The following HPSE2 variants were observed in gnomAD, a reference collection of about 807,000 sequenced individuals.
HPSE2 encodes the protein heparanase 2 (inactive).
HPSE2 carries 38 observed loss-of-function variants against 60.5 expected under a neutral mutation model. The ratio of observed to expected loss-of-function variants is 0.63; its 90% CI spans 0.48 to 0.82. The LOEUF (loss-of-function observed/expected upper bound fraction) is 0.82. HPSE2 is among the 40% of genes least tolerant of loss of function. The pLI is 0.00. For missense variants in HPSE2, 713 were observed against 740.4 expected, an observed-to-expected ratio of 0.96 and a Z score of 0.43; for synonymous variants, 295 against 293.2, an observed-to-expected ratio of 1.01 and a Z score of -0.06.
chr10:98,534,479 A>T (rs148726635), intron 9 of HPSE2, among the ~76,000 whole-genome samples: 2,682 of 151,948 alleles, frequency 0.018, 42 homozygotes, highest in African/African-American at 0.035. Flanking sequence ...ATCTCTGCTC[A>T]CTGCAACCTC....
chr10:98,517,405 T>G (rs1012269000), intron 9 of HPSE2, among the ~76,000 whole-genome samples: 6 of 152,180 alleles, frequency 3.9e-5, no homozygotes, highest in South Asian at 2.1e-4. Flanking sequence ...TGATCTAGAG[T>G]GTGGCAAATG....
At chr10:98,559,943 G>A (rs1028016648) in intron 9 of HPSE2, among the ~76,000 whole-genome samples, 2 of 152,150 alleles carry the variant, frequency 1.3e-5, no homozygotes, top group Non-Finnish European at 2.9e-5. Flanking sequence ...ATGTGGGAAA[G>A]AGTATGTATT....
intron 3 of HPSE2, among the ~76,000 whole-genome samples, chr10:99,095,861 C>T (rs562310850): frequency 6.6e-6 from 1 of 152,200 alleles, no homozygotes; most frequent in Non-Finnish European, 1.5e-5. Flanking sequence ...TTTGTGTGGA[C>T]ATCCTGGTAT....
intron 3 of HPSE2, among the ~76,000 whole-genome samples, chr10:99,067,477 G>A (rs1842652666): frequency 6.6e-6 from 1 of 152,188 alleles, no homozygotes; most frequent in Non-Finnish European, 1.5e-5. Context: ...CTGAAATCTA[G>A]GTGGAGGTTC....
intron 5 of HPSE2, among the ~76,000 whole-genome samples, chr10:98,703,694 G>GA (rs956762349): frequency 2.0e-5 from 3 of 152,140 alleles, no homozygotes; most frequent in African/African-American, 7.2e-5. Context: ...AATAGATGCA[G>GA]AAAACCCCTT....
chr10:99,031,262 T>C (rs763792503), intron 3 of HPSE2, among the ~76,000 whole-genome samples: 52 of 151,874 alleles, frequency 3.4e-4, no homozygotes, highest in Non-Finnish European at 6.8e-4. Context: ...AAAATACATA[T>C]ACCTACCATG....
chr10:98,592,714 G>A (rs1412660914), intron 9 of HPSE2, among the ~76,000 whole-genome samples: 3 of 152,104 alleles, frequency 2.0e-5, no homozygotes, highest in East Asian at 1.9e-4. Context: ...TCATTGAATT[G>A]GTGTTTCTAA....
chr10:98,590,169 G>A (rs564165516), intron 9 of HPSE2, among the ~76,000 whole-genome samples: 4 of 152,372 alleles, frequency 2.6e-5, no homozygotes, highest in African/African-American at 7.2e-5. Context: ...TCGCCCAGGC[G>A]TGGTGGCTCA....
intron 3 of HPSE2, among the ~76,000 whole-genome samples, chr10:99,078,409 C>T (rs1250287192): frequency 6.6e-6 from 1 of 152,090 alleles, no homozygotes. Flanking sequence ...TGCATATTCT[C>T]CCATGTACTT....
intron 11 of HPSE2, among the ~76,000 whole-genome samples, chr10:98,460,285 C>T (rs184523265): frequency 4.1e-4 from 63 of 152,200 alleles, no homozygotes; most frequent in African/African-American, 1.2e-3. Context: ...TAAGGTTATA[C>T]GGAAGGGAGA....
chr10:98,750,059 G>A (rs2134350527), intron 3 of HPSE2, among the ~76,000 whole-genome samples: 1 of 151,680 alleles, frequency 6.6e-6, no homozygotes, highest in East Asian at 1.9e-4. Flanking sequence ...AGCAGGGTAG[G>A]AGATAGTATA....
At chr10:99,195,805 T>C (rs142972222) in intron 2 of HPSE2, among the ~76,000 whole-genome samples, 2,572 of 151,826 alleles carry the variant, frequency 0.017, 69 homozygotes, top group African/African-American at 0.059. Context: ...ACAGATTCAA[T>C]GCAATCCCTA....
At chr10:99,210,132 C>T (rs146007576) in intron 2 of HPSE2, among the ~76,000 whole-genome samples, 5 of 152,242 alleles carry the variant, frequency 3.3e-5, no homozygotes, top group Middle Eastern at 3.4e-3. Flanking sequence ...CCTAAGAAAA[C>T]TACCAAGAGC....
chr10:98,474,414 T>A (rs1466951241), intron 11 of HPSE2, among the ~76,000 whole-genome samples: 1 of 152,140 alleles, frequency 6.6e-6, no homozygotes, highest in Non-Finnish European at 1.5e-5. Flanking sequence ...AATATCATAA[T>A]ATGGTCTGGT....
chr10:99,205,020 T>C (rs901545292), intron 2 of HPSE2, among the ~76,000 whole-genome samples: 2 of 152,158 alleles, frequency 1.3e-5, no homozygotes, highest in Non-Finnish European at 2.9e-5. Context: ...TTCTCACTTA[T>C]AAGTGGAAGC....
chr10:98,607,684 G>A (rs1375909024), intron 9 of HPSE2, among the ~76,000 whole-genome samples: 1 of 152,066 alleles, frequency 6.6e-6, no homozygotes, highest in Non-Finnish European at 1.5e-5. Flanking sequence ...TAGTTAAGTT[G>A]CTAGAAAATT....
chr10:99,031,950 C>T (rs1406757467), intron 3 of HPSE2, among the ~76,000 whole-genome samples: 1 of 152,152 alleles, frequency 6.6e-6, no homozygotes, highest in African/African-American at 2.4e-5. Context: ...GGGATTTCTG[C>T]TACCTTATTA....
intron 3 of HPSE2, among the ~76,000 whole-genome samples, chr10:99,119,007 TGAAAAGAAAGAAAGAAAG>T (rs1211673407): frequency 4.1e-5 from 4 of 98,092 alleles, no homozygotes; most frequent in Admixed American, 1.0e-4. Context: ...CAGAACAAAA[TGAAAAGAAAGAAAGAAAG>T]GAAAAGAAAG....
chr10:99,013,058 C>T, intron 3 of HPSE2: 1 of 537,036 alleles, frequency 1.9e-6, no homozygotes, highest in East Asian at 4.3e-5. Flanking sequence ...TAAAGTTTAG[C>T]ACTTCATTTA....
Sources: gnomAD v4.1 joint callset for allele counts (sites outside exome capture counted in the v4.1 genomes callset) on GRCh38, gnomAD v4.1.1 for gene constraint, MANE v1.5 for transcripts, NCBI Gene and HGNC (gene_info 2026-07-23, HGNC 2026-07-21) for gene names.